DERA: variants seen among roughly 807,000 people sequenced by gnomAD.
DERA encodes the protein 2-deoxy-D-ribose 5-phosphate aldolase.
DERA carries 15 observed loss-of-function variants against 41.1 expected under a neutral mutation model. The ratio of observed to expected loss-of-function variants is 0.37; its 90% confidence interval spans 0.24 to 0.56. The LOEUF (loss-of-function observed/expected upper bound fraction) is 0.56, where lower values mean the gene tolerates loss of function less well. DERA is among the 20% of genes least tolerant of loss of function. DERA has a pLI of 0.81. For missense variants in DERA, 396 were observed against 403.4 expected, an observed-to-expected ratio of 0.98 and a Z score of 0.16; for synonymous variants, 139 against 137.4, an observed-to-expected ratio of 1.01 and a Z score of -0.08.
In DERA at chr12:16,026,093, G is replaced by T. The variant is rs996260441; in HGVS notation, c.638-6449G>T. Among the ~76,000 whole-genome samples, 14 of 151,888 alleles carry T rather than the reference G, an allele frequency of 9.2e-5. No homozygotes were observed. Among genetic ancestry groups the T allele is most frequent in the African/African-American group, 3.4e-4 (14 of 41,360 alleles). On this transcript the variant is annotated intron_variant, in intron 6 of 8. Transcript: ENST00000428559. The surrounding 1 kb of genome is among the most constrained non-coding windows in gnomAD (Gnocchi z 4.4). ...GGCATTAGATGCATATATTAGAAAA[G>T]AATAAAGTCAATATGCAAGCTTTCA...
chr12:15,972,538 C>A lies in DERA; in HGVS notation c.508+9591C>A. On this transcript the variant is annotated intron_variant, in intron 5 of 8. Coordinates refer to ENST00000428559, the MANE Select transcript of DERA (RefSeq NM_015954.4). The surrounding 1 kb of genome is among the most constrained non-coding windows in gnomAD (Gnocchi z 4.4). Reference sequence around the variant, plus strand: ...TTTGCGGGTAGCAGAAGCTGACTTCCCGCAGACAGCGCATGATGTACTCTA... The same window carrying A: ...TTTGCGGGTAGCAGAAGCTGACTTCACGCAGACAGCGCATGATGTACTCTA... 1 of 156,944 alleles carries A rather than the reference C, an allele frequency of 6.4e-6. No individual in the cohort carries two copies. Among genetic ancestry groups the A allele is most frequent in the South Asian group, 1.7e-4 (1 of 5,746 alleles). The allele number at this position is 156,944 out of a possible 1,614,324, so 9.7% of individuals were successfully genotyped here.
Position 15,989,275 on chromosome 12 carries a change from C to G in DERA, c.637+6839C>G, listed in dbSNP as rs1948786258. Among the ~76,000 whole-genome samples, 1 of 152,372 alleles carries G rather than the reference C, an allele frequency of 6.6e-6. No homozygotes were observed. The highest frequency in any genetic ancestry group is 1.9e-4 in the East Asian group (1 of 5,184). On this transcript the variant is annotated intron_variant, in intron 6 of 8. Transcript: ENST00000428559. The surrounding 1 kb of genome is among the most constrained non-coding windows in gnomAD (Gnocchi z 5.2). ...GCTGCAACTGGCATCCCCACGGTGGCTGCTCCAGACAGGCCACTGCTGCCA... is the reference window on the plus strand; with the variant it reads ...GCTGCAACTGGCATCCCCACGGTGGGTGCTCCAGACAGGCCACTGCTGCCA...
intron 6 of DERA, among the ~76,000 whole-genome samples, chr12:16,005,337 T>A (rs1430122930): frequency 6.6e-6 from 1 of 152,058 alleles, no homozygotes; most frequent in African/African-American, 2.4e-5. Context: ...TCCTAGCTAC[T>A]TAGGAGACTG....
intron 6 of DERA, among the ~76,000 whole-genome samples, chr12:15,987,975 G>A (rs1406040192): frequency 6.6e-6 from 1 of 152,142 alleles, no homozygotes; most frequent in East Asian, 1.9e-4. Flanking sequence ...CGGCAGGGTG[G>A]GCAGCTCCAG....
In DERA at chr12:16,035,032, C is replaced by T. The variant is rs889941187; in HGVS notation, c.751-1200C>T. Among the ~76,000 whole-genome samples the T allele has an allele frequency of 1.3e-5, 2 of 152,072 alleles. No homozygotes were observed. Among genetic ancestry groups the T allele is most frequent in the Admixed American group, 6.5e-5 (1 of 15,272 alleles). On this transcript the variant is annotated intron_variant, in intron 7 of 8. Coordinates refer to ENST00000428559, the MANE Select transcript of DERA (RefSeq NM_015954.4). This position sits in a 1 kb window ranked among gnomAD's most constrained non-coding sequence, Gnocchi z 4.1. ...GCACTGCTACTGCTTAGTTGTGTGA[C>T]GTTGTGTAATTGAGGCAGGGAAACC... is the stretch of plus-strand genomic sequence containing the variant.
Position 15,936,886 on chromosome 12 carries a change from TTGTCCTGTCC to T in DERA, c.32-20010_32-20001del, listed in dbSNP as rs71438363. Among the ~76,000 whole-genome samples, 65 of 136,928 alleles carry T rather than the reference TTGTCCTGTCC, an allele frequency of 4.7e-4. 1 individual carries two copies. The highest frequency in any genetic ancestry group is 1.8e-3 in the African/African-American group (55 of 31,270). 89.8% of individuals were successfully genotyped at this position (136,928 alleles called of 152,430 possible). On this transcript the variant is annotated intron_variant, in intron 1 of 8. Coordinates refer to ENST00000428559, the MANE Select transcript of DERA (RefSeq NM_015954.4). This position sits in a 1 kb window ranked among gnomAD's most constrained non-coding sequence, Gnocchi z 4.6. ...TTGTCTTGTCTTGTCTTGTCTTGTCTTGTCCTGTCCTGTCCTGTCCTGTCCTGTCCTGTCC... is the reference window on the plus strand; with the variant it reads ...TTGTCTTGTCTTGTCTTGTCTTGTCTTGTCCTGTCCTGTCCTGTCCTGTCC...
chr12:15,950,312 A>G lies in DERA; in HGVS notation c.32-6624A>G, dbSNP rs181837143. On this transcript the variant is annotated intron_variant, in intron 1 of 8. Coordinates refer to ENST00000428559, the MANE Select transcript of DERA (RefSeq NM_015954.4). The stretch of plus-strand genomic sequence containing the variant: ...GATTATTTGTGCCTCCCCTTTTTAG[A>G]CCATATAGGGTAACTTCCTGATGTT... Among the ~76,000 whole-genome samples the G allele has an allele frequency of 3.9e-5, 6 of 152,284 alleles. No homozygotes were observed. In the East Asian group the frequency reaches 9.7e-4, roughly 25 times the overall value.
At position 15,965,427 on chromosome 12, in the gene DERA, C is replaced by G. The variant is rs1015548602; in HGVS notation, c.508+2480C>G. 6.6e-6 allele frequency among the ~76,000 whole-genome samples: 1 copy of G among 152,162 alleles called. No homozygotes were observed. The highest frequency in any genetic ancestry group is 6.5e-5 in the Admixed American group (1 of 15,282). ...AGGTATTAAGTGCCTCATGCATTAGCTATTTTCCCTAATGCACTACCTGCC... is the reference window on the plus strand; with the variant it reads ...AGGTATTAAGTGCCTCATGCATTAGGTATTTTCCCTAATGCACTACCTGCC... On this transcript the variant is annotated intron_variant, in intron 5 of 8. Coordinates refer to ENST00000428559, the MANE Select transcript of DERA (RefSeq NM_015954.4). The surrounding 1 kb of genome is among the most constrained non-coding windows in gnomAD (Gnocchi z 4.1).
rs1326081720 is a variant in DERA, at chr12:15,922,411, G to GA, written c.31+11004dup. Among the ~76,000 whole-genome samples, 3 of 152,088 alleles carry GA rather than the reference G, an allele frequency of 2.0e-5. No individual in the cohort carries two copies. The highest frequency in any genetic ancestry group is 2.9e-5 in the Non-Finnish European group (2 of 67,996). On this transcript the variant is annotated intron_variant, in intron 1 of 8. Coordinates refer to ENST00000428559, the MANE Select transcript of DERA (RefSeq NM_015954.4). This position sits in a 1 kb window ranked among gnomAD's most constrained non-coding sequence, Gnocchi z 4.9. ...ATTTCCATAGATCTGTCTCCAGCAA[G>GA]AAAAAAATCATAATTTCAGTCTGCA...
At chr12:16,024,418 C>G (rs1425783548) in intron 6 of DERA, among the ~76,000 whole-genome samples, 1 of 152,128 alleles carries the variant, frequency 6.6e-6, no homozygotes, top group Non-Finnish European at 1.5e-5. Context: ...AAAGAAAACA[C>G]TTTTCATTGA....
rs1948964921 is a variant in DERA, at chr12:16,014,122, A to T, written c.638-18420A>T. On this transcript the variant is annotated intron_variant, in intron 6 of 8. Coordinates refer to ENST00000428559, the MANE Select transcript of DERA (RefSeq NM_015954.4). The surrounding 1 kb of genome is among the most constrained non-coding windows in gnomAD (Gnocchi z 5.4). ...ACTTAGTTTAAAAGGGAAGCAGAGCATAAAAGTTTAGAAAATTTGCAGCCT... is the reference window on the plus strand; with the variant it reads ...ACTTAGTTTAAAAGGGAAGCAGAGCTTAAAAGTTTAGAAAATTTGCAGCCT... Among the ~76,000 whole-genome samples, 1 of 152,228 alleles carries T rather than the reference A, an allele frequency of 6.6e-6. No individual in the cohort carries two copies. Among genetic ancestry groups the T allele is most frequent in the South Asian group, 2.1e-4 (1 of 4,830 alleles).
At chr12:16,015,640 A>G (rs1303993308) in intron 6 of DERA, among the ~76,000 whole-genome samples, 1 of 152,210 alleles carries the variant, frequency 6.6e-6, no homozygotes, top group Non-Finnish European at 1.5e-5. Flanking sequence ...TTATCTATGG[A>G]GTGAAGTATC....
rs78771169 is a variant in DERA at position 15,993,060 on chromosome 12, C to T, written c.637+10624C>T. On this transcript the variant is annotated intron_variant, in intron 6 of 8. Coordinates refer to ENST00000428559, the MANE Select transcript of DERA (RefSeq NM_015954.4). The surrounding 1 kb of genome is among the most constrained non-coding windows in gnomAD (Gnocchi z 4.4). ...AGTTTTGAACTTGGCTGGAATTTTG[C>T]AACGTGTAGAAAATGAAACATGAAA... 6.3e-3 allele frequency among the ~76,000 whole-genome samples: 966 copies of T among 152,132 alleles called. 15 individuals carry two copies. Among genetic ancestry groups the T allele is most frequent in the African/African-American group, 0.022 (901 of 41,502 alleles).
intron 6 of DERA, among the ~76,000 whole-genome samples, chr12:16,005,110 G>C (rs1024666592): frequency 6.6e-6 from 1 of 152,110 alleles, no homozygotes; most frequent in African/African-American, 2.4e-5. Context: ...CAACAGACGT[G>C]CCCTGGAATG....
Position 15,943,059 on chromosome 12 carries a change from C to G in DERA, c.32-13877C>G, listed in dbSNP as rs10846256. On this transcript the variant is annotated intron_variant, in intron 1 of 8. Transcript: ENST00000428559. The surrounding 1 kb of genome is among the most constrained non-coding windows in gnomAD (Gnocchi z 4.5). Reference sequence around the variant, plus strand: ...AGCATAGAGTGGTTGGGGAGAGGGACAGCGATGTCACCCCTGACAGTGTGT... The same window carrying G: ...AGCATAGAGTGGTTGGGGAGAGGGAGAGCGATGTCACCCCTGACAGTGTGT... Among the ~76,000 whole-genome samples, 4 of 151,914 alleles carry G rather than the reference C, an allele frequency of 2.6e-5. No individual in the cohort carries two copies.
In DERA at chr12:16,014,396, C is replaced by G. The variant is rs1362924099; in HGVS notation, c.638-18146C>G. ...GTCTCAGGACTTGGTGCCCTGCATC[C>G]CGGCCGTGGCTAAAAGAAGCCAATG... On this transcript the variant is annotated intron_variant, in intron 6 of 8. Transcript: ENST00000428559. The surrounding 1 kb of genome is among the most constrained non-coding windows in gnomAD (Gnocchi z 5.4). Among the ~76,000 whole-genome samples, 1 of 152,158 alleles carries G rather than the reference C, an allele frequency of 6.6e-6. No individual in the cohort carries two copies. Among genetic ancestry groups the G allele is most frequent in the Non-Finnish European group, 1.5e-5 (1 of 68,030 alleles).
chr12:15,954,828 G>A lies in DERA; in HGVS notation c.32-2108G>A, dbSNP rs1392284231. Among the ~76,000 whole-genome samples the A allele has an allele frequency of 6.6e-6, 1 of 152,180 alleles. No homozygotes were observed. Among genetic ancestry groups the A allele is most frequent in the African/African-American group, 2.4e-5 (1 of 41,462 alleles). On this transcript the variant is annotated intron_variant, in intron 1 of 8. Coordinates refer to ENST00000428559, the MANE Select transcript of DERA (RefSeq NM_015954.4). This position sits in a 1 kb window ranked among gnomAD's most constrained non-coding sequence, Gnocchi z 4.0. ...GGTGTCCTGTGACCGATAAAGGACA[G>A]CCTGTCAAAGCCTTGCCCCACTGAG...
At position 16,001,396 on chromosome 12, in the gene DERA, C is replaced by T. The variant is rs1020696299; in HGVS notation, c.637+18960C>T. Among the ~76,000 whole-genome samples the T allele has an allele frequency of 2.0e-5, 3 of 152,104 alleles. No homozygotes were observed. The highest frequency in any genetic ancestry group is 7.2e-5 in the African/African-American group (3 of 41,430). On this transcript the variant is annotated intron_variant, in intron 6 of 8. Transcript: ENST00000428559. This position sits in a 1 kb window ranked among gnomAD's most constrained non-coding sequence, Gnocchi z 4.1. The stretch of plus-strand genomic sequence containing the variant: ...CACTGGCTGTTTTCTTTGGTTGTTC[C>T]TTCAGGGCTAGAGTGGAAAAGTTCA...
At chr12:15,960,028 ATGTATTTAATTAGT>A (rs761359266) in intron 4 of DERA, 104 bp downstream of exon 4, 32 of 778,194 alleles carry the variant, frequency 4.1e-5, no homozygotes, top group Non-Finnish European at 6.1e-5. Flanking sequence ...AAATTAGTTT[ATGTATTTAATTAGT>A]TGTATTTATT....
Sources: gnomAD v4.1 joint callset for allele counts (sites outside exome capture counted in the v4.1 genomes callset) on GRCh38, gnomAD v4.1.1 for gene constraint, Gnocchi (gnomAD v3.1) non-coding constraint, MANE v1.5 for transcripts, NCBI Gene and HGNC (gene_info 2026-07-23, HGNC 2026-07-21) for gene names.